The following SYTL2 variants were observed in gnomAD, a reference collection of about 807,000 sequenced individuals.
SYTL2 encodes synaptotagmin like 2, also known as synaptotagmin-like protein 2.
Under a neutral mutation model 198.7 loss-of-function variants are expected in SYTL2, and 165 were observed. That is an observed-to-expected ratio of 0.83 (90% CI 0.73 to 0.94). SYTL2 has a LOEUF of 0.94. SYTL2 is among the 40% of genes least tolerant of loss of function. The pLI is 0.00. For synonymous variants in SYTL2, 966 were observed against 917.7 expected, an observed-to-expected ratio of 1.05 and a Z score of -0.95; for missense variants, 2,835 against 2,582.8, an observed-to-expected ratio of 1.10 and a Z score of -2.12.
chr11:85,723,810 G>T (rs1292693278), intron 8 of SYTL2, among the ~76,000 whole-genome samples: 2 of 150,950 alleles, frequency 1.3e-5, no homozygotes, highest in African/African-American at 2.5e-5. Context: ...GAACACAGAA[G>T]TGGTAAGAAG....
intron 4 of SYTL2, among the ~76,000 whole-genome samples, chr11:85,744,993 C>A (rs200415548): frequency 6.6e-6 from 1 of 152,104 alleles, no homozygotes; most frequent in African/African-American, 2.4e-5. Flanking sequence ...CACCAAAAAA[C>A]CCCAAGACTA....
intron 1 of SYTL2, among the ~76,000 whole-genome samples, chr11:85,785,910 G>A (rs1400870314): frequency 6.6e-6 from 1 of 152,190 alleles, no homozygotes; most frequent in African/African-American, 2.4e-5. Context: ...CTCTGCCTAA[G>A]GTTAGACCTG....
At chr11:85,773,063 A>G (rs209423) in intron 1 of SYTL2, among the ~76,000 whole-genome samples, 20 of 152,186 alleles carry the variant, frequency 1.3e-4, no homozygotes, top group Non-Finnish European at 2.1e-4. Context: ...TTCCCACTGT[A>G]TAAAAGACAT....
chr11:85,696,839 T>C (rs986792665), intron 18 of SYTL2, among the ~76,000 whole-genome samples: 9 of 152,232 alleles, frequency 5.9e-5, no homozygotes, highest in African/African-American at 2.2e-4. Context: ...CCTGATTAGC[T>C]GTGATAGCCT....
the SYTL2 span, among the ~76,000 whole-genome samples, chr11:85,851,575 C>G: frequency 6.6e-6 from 1 of 152,198 alleles, no homozygotes; most frequent in African/African-American, 2.4e-5. Context: ...AACAGAAAAT[C>G]AAGGTCAAAT....
At chr11:85,789,932 G>A (rs938500797) in intron 1 of SYTL2, among the ~76,000 whole-genome samples, 6 of 152,058 alleles carry the variant, frequency 3.9e-5, no homozygotes, top group Non-Finnish European at 7.4e-5. Context: ...TGCCAATACC[G>A]GTTGAGTATC....
chr11:85,695,796 G>T (rs2083325232), intron 19 of SYTL2, among the ~76,000 whole-genome samples: 1 of 152,174 alleles, frequency 6.6e-6, no homozygotes, highest in South Asian at 2.1e-4. Flanking sequence ...GACTTGTGAG[G>T]ATTCAATGAA....
rs541390227 is a variant in SYTL2 at position 85,737,451 on chromosome 11, T to G, written c.471+124A>C. 72 of 697,868 alleles carry G rather than the reference T, an allele frequency of 1.0e-4. 1 individual carries two copies. The South Asian group carries it at 1.2e-3, about 12-fold the overall frequency. 43.2% of individuals were successfully genotyped at this position (697,868 alleles called of 1,614,324 possible). On this transcript the variant is annotated intron_variant, in intron 5 of 19. Transcript: ENST00000359152. Reference sequence around the variant, plus strand: ...AGTGACTTCTTAAAATAGTGAAAATTACCTGTATTTGGTACCAAAAAACTG... The same window carrying G: ...AGTGACTTCTTAAAATAGTGAAAATGACCTGTATTTGGTACCAAAAAACTG...
rs1016043123 is a variant in SYTL2 at position 85,726,544 on chromosome 11, C to A, written c.2814G>T (p.Gly938=). 4 of 1,599,764 alleles carry A rather than the reference C, an allele frequency of 2.5e-6. No individual in the cohort carries two copies. Among genetic ancestry groups the A allele is most frequent in the African/African-American group, 1.3e-5 (1 of 74,878 alleles). ...TCTCCAATGGAGCATGTCGTTCACT[C>A]CCGACATTTGAGGGAGGTTGCAGTG... The part of the protein sequence containing the change: ...LPALQPPSNV[G]SERHAPLEKD... Residue 938 remains glycine (G), a synonymous_variant, in exon 8 of 20, where the codon GGG becomes GGT. Transcript: ENST00000359152.
intron 4 of SYTL2, among the ~76,000 whole-genome samples, chr11:85,742,316 C>T (rs1197007175): frequency 6.6e-6 from 1 of 152,218 alleles, no homozygotes; most frequent in Non-Finnish European, 1.5e-5. Flanking sequence ...GAAGTGACAG[C>T]TTCTTAGTAA....
rs183255140 is a variant in SYTL2 at position 85,722,750 on chromosome 11, A to G, written c.5326+1282T>C. On this transcript the variant is annotated intron_variant, in intron 8 of 19. Coordinates refer to ENST00000359152, the MANE Select transcript of SYTL2 (RefSeq NM_206927.4). ...ATTAAATAAATTTAGAGATTTAATT[A>G]GAGATTTATAAATAAATATGTATGG... is the stretch of plus-strand genomic sequence containing the variant. Among the ~76,000 whole-genome samples the G allele has an allele frequency of 3.5e-3, 527 of 152,132 alleles. 3 individuals carry two copies. The highest frequency in any genetic ancestry group is 0.012 in the African/African-American group (494 of 41,554).
chr11:85,708,465 T>G (rs1203337972), intron 14 of SYTL2, among the ~76,000 whole-genome samples: 2 of 152,096 alleles, frequency 1.3e-5, no homozygotes, highest in Admixed American at 1.3e-4. Flanking sequence ...CATTCAGCGT[T>G]TGCAAAAAAA....
the SYTL2 span, among the ~76,000 whole-genome samples, chr11:85,844,995 G>A: frequency 9.2e-5 from 14 of 152,148 alleles, no homozygotes; most frequent in South Asian, 6.2e-4. Flanking sequence ...CATCATTTTC[G>A]TTTTTACCTC....
At chr11:85,755,411 A>C (rs2091802900) in intron 2 of SYTL2, among the ~76,000 whole-genome samples, 1 of 152,172 alleles carries the variant, frequency 6.6e-6, no homozygotes, top group Admixed American at 6.5e-5. Context: ...GACTCACACC[A>C]GGCTTTTCAC....
In SYTL2 at chr11:85,773,268, G is replaced by A. The variant is rs186766559; in HGVS notation, c.-389-15154C>T. On this transcript the variant is annotated intron_variant, in intron 1 of 19. Transcript: ENST00000359152. Reference sequence around the variant, plus strand: ...CAGGATAAAATTCAAACCACTCAGCGTTACATTAGCCCCTCCAGATCTACA... The same window carrying A: ...CAGGATAAAATTCAAACCACTCAGCATTACATTAGCCCCTCCAGATCTACA... 5.4e-3 allele frequency among the ~76,000 whole-genome samples: 406 copies of A among 74,888 alleles called. 4 individuals are homozygous for A. The highest frequency in any genetic ancestry group is 0.016 in the Middle Eastern group (2 of 124). 49.1% of individuals were successfully genotyped at this position (74,888 alleles called of 152,430 possible).
intron 2 of SYTL2, among the ~76,000 whole-genome samples, chr11:85,750,104 G>A (rs2091423675): frequency 6.6e-6 from 1 of 152,122 alleles, no homozygotes; most frequent in Admixed American, 6.5e-5. Context: ...ACAGAGGCAG[G>A]AAGTTGTGGC....
intron 12 of SYTL2, 62 bp downstream of exon 12, chr11:85,714,348 AACC>A (rs2086810758): frequency 3.0e-6 from 4 of 1,327,888 alleles, no homozygotes; most frequent in Non-Finnish European, 4.3e-6. Context: ...CAAACACACC[AACC>A]TTGGCATAGC....
chr11:85,701,948 C>T (rs966506071), intron 16 of SYTL2, among the ~76,000 whole-genome samples: 3 of 152,142 alleles, frequency 2.0e-5, no homozygotes, highest in Non-Finnish European at 4.4e-5. Flanking sequence ...AAACTGAGCA[C>T]ATAAAAAGCC....
chr11:85,793,546 A>T (rs1425463558), intron 1 of SYTL2, among the ~76,000 whole-genome samples: 1 of 152,216 alleles, frequency 6.6e-6, no homozygotes, highest in African/African-American at 2.4e-5. Flanking sequence ...AAAATTTCTC[A>T]AAGAGGCAGA....
Sources: gnomAD v4.1 joint callset for allele counts (sites outside exome capture counted in the v4.1 genomes callset) on GRCh38, gnomAD v4.1.1 for gene constraint, MANE v1.5 for transcripts, NCBI Gene and HGNC (gene_info 2026-07-23, HGNC 2026-07-21) for gene names.